PRIM2: variants seen among roughly 807,000 people sequenced by gnomAD.
PRIM2 encodes the protein DNA primase subunit 2.
Under a neutral mutation model 67.3 loss-of-function variants are expected in PRIM2, and 39 were observed. That is an observed-to-expected ratio of 0.58 (90% confidence interval 0.45 to 0.76). The LOEUF (loss-of-function observed/expected upper bound fraction) is 0.76, where lower values mean the gene tolerates loss of function less well. Among genes scored for constraint, PRIM2 ranks in the 30% least tolerant of loss-of-function variants. The probability of loss-of-function intolerance (pLI) is 0.00; values close to 1 mark genes in which losing one functional copy is unlikely to be tolerated. For synonymous variants in PRIM2, 143 were observed against 198.7 expected (o/e 0.72, Z 2.36); for missense variants, 398 against 598.7 (o/e 0.66, Z 3.50).
chr6:57,328,070 C>T (rs1315474704), intron 5 of PRIM2, among the ~76,000 whole-genome samples: 1 of 152,186 alleles, frequency 6.6e-6, no homozygotes, highest in Non-Finnish European at 1.5e-5. Context: ...TCGCTCACTG[C>T]TCACCTCCTG....
chr6:57,264,419 C>T, the PRIM2 span, among the ~76,000 whole-genome samples: 1 of 152,052 alleles, frequency 6.6e-6, no homozygotes, highest in Admixed American at 6.6e-5. Context: ...TTTTTCTTCT[C>T]CTTTTCATTG....
chr6:57,462,009 A>G (rs1282309955), intron 7 of PRIM2, among the ~76,000 whole-genome samples: 2 of 152,200 alleles, frequency 1.3e-5, no homozygotes, highest in Non-Finnish European at 2.9e-5. Context: ...CATACAGGCA[A>G]AAGGATTAAA....
At chr6:57,328,937 A>G (rs777499908) in intron 5 of PRIM2, among the ~76,000 whole-genome samples, 5 of 152,180 alleles carry the variant, frequency 3.3e-5, no homozygotes, top group Non-Finnish European at 7.4e-5. Context: ...CTTATTGGTC[A>G]TTTGTATATC....
chr6:57,302,232 T>G, the PRIM2 span, among the ~76,000 whole-genome samples: 1 of 152,214 alleles, frequency 6.6e-6, no homozygotes, highest in Non-Finnish European at 1.5e-5. Flanking sequence ...ATTTAGTTTT[T>G]GAGCAGAGTT....
intron 5 of PRIM2, among the ~76,000 whole-genome samples, chr6:57,364,898 A>G (rs1769308054): frequency 6.6e-6 from 1 of 152,144 alleles, no homozygotes; most frequent in Non-Finnish European, 1.5e-5. Context: ...AATATTTTTA[A>G]GTGTTTTGTC....
the PRIM2 span, among the ~76,000 whole-genome samples, chr6:57,290,625 T>A: frequency 2.0e-5 from 3 of 152,138 alleles, no homozygotes; most frequent in African/African-American, 7.2e-5. Context: ...CCTCAGCAAA[T>A]GTAAAAGAAC....
the PRIM2 span, among the ~76,000 whole-genome samples, chr6:57,225,137 A>G: frequency 6.6e-6 from 1 of 152,216 alleles, no homozygotes; most frequent in African/African-American, 2.4e-5. Flanking sequence ...CCTTTTAAAA[A>G]AATGGTATAT....
chr6:57,588,670 G>A, intron 10 of PRIM2, among the ~76,000 whole-genome samples: 1 of 152,066 alleles, frequency 6.6e-6, no homozygotes, highest in South Asian at 2.1e-4. Context: ...TTTTCCAGTT[G>A]TTTTAACTGC....
intron 7 of PRIM2, among the ~76,000 whole-genome samples, chr6:57,409,614 C>T (rs1215450863): frequency 1.3e-5 from 2 of 152,174 alleles, no homozygotes; most frequent in East Asian, 1.9e-4. Flanking sequence ...TCCAGTTATT[C>T]TACCACCTTG....
chr6:57,485,130 G>T (rs1370197185), intron 7 of PRIM2, among the ~76,000 whole-genome samples: 1 of 151,668 alleles, frequency 6.6e-6, no homozygotes, highest in Non-Finnish European at 1.5e-5. Flanking sequence ...AAGTAGAGGG[G>T]TGAATATCCA....
At chr6:57,285,323 A>G in the PRIM2 span, among the ~76,000 whole-genome samples, 2 of 152,250 alleles carry the variant, frequency 1.3e-5, no homozygotes, top group Non-Finnish European at 2.9e-5. Context: ...CAACAAAAAA[A>G]GAGAATTTCA....
At chr6:57,425,237 A>AATT (rs145184670) in intron 7 of PRIM2, among the ~76,000 whole-genome samples, 1 of 152,000 alleles carries the variant, frequency 6.6e-6, no homozygotes, top group African/African-American at 2.4e-5. Flanking sequence ...TTTTTAATGG[A>AATT]ATTATTATTA....
intron 7 of PRIM2, among the ~76,000 whole-genome samples, chr6:57,444,304 C>T (rs1234763036): frequency 1.3e-5 from 2 of 152,086 alleles, no homozygotes; most frequent in East Asian, 1.9e-4. Flanking sequence ...CGCGGTAGCT[C>T]ATGCCTGTAA....
At chr6:57,478,344 T>G (rs2127404669) in intron 7 of PRIM2, among the ~76,000 whole-genome samples, 1 of 150,828 alleles carries the variant, frequency 6.6e-6, no homozygotes, top group African/African-American at 2.4e-5. Context: ...TTTGTTTTTT[T>G]TTTTTTGAGA....
chr6:57,380,114 T>C (rs1439127610), intron 6 of PRIM2, 118 bp downstream of exon 6: 8 of 763,954 alleles, frequency 1.0e-5, no homozygotes, highest in Non-Finnish European at 1.4e-5. Flanking sequence ...CTCTGTCTCC[T>C]GCACAGATAC....
chr6:57,306,877 G>A, the PRIM2 span, among the ~76,000 whole-genome samples: 2 of 152,122 alleles, frequency 1.3e-5, no homozygotes, highest in Admixed American at 1.3e-4. Context: ...ACCAGTCATG[G>A]TTCAACAAGG....
At chr6:57,644,996 A>G (rs1288684019) in intron 13 of PRIM2, among the ~76,000 whole-genome samples, 1 of 152,198 alleles carries the variant, frequency 6.6e-6, no homozygotes, top group Non-Finnish European at 1.5e-5. Flanking sequence ...GTTTGTATTC[A>G]GTCACAGTGA....
chr6:57,614,604 A>C (rs1776721359), intron 12 of PRIM2, among the ~76,000 whole-genome samples: 1 of 152,164 alleles, frequency 6.6e-6, no homozygotes, highest in Non-Finnish European at 1.5e-5. Context: ...TAATCCCAGC[A>C]CTTTGGGAGG....
chr6:57,413,177 C>T (rs1212593596), intron 7 of PRIM2, among the ~76,000 whole-genome samples: 13 of 151,036 alleles, frequency 8.6e-5, no homozygotes, highest in Middle Eastern at 3.4e-3. Flanking sequence ...AAGAAAATAG[C>T]GGTGAAGCTC....
Sources: gnomAD v4.1 joint callset for allele counts (sites outside exome capture counted in the v4.1 genomes callset) on GRCh38, gnomAD v4.1.1 for gene constraint, MANE v1.5 for transcripts, NCBI Gene and HGNC (gene_info 2026-07-23, HGNC 2026-07-21) for gene names.